The following PECR variants were observed in gnomAD, a reference collection of about 807,000 sequenced individuals.
PECR encodes peroxisomal trans-2-enoyl-CoA reductase.
PECR carries 30 observed loss-of-function variants against 35.3 expected under a neutral mutation model. The ratio of observed to expected loss-of-function variants is 0.85; its 90% CI spans 0.64 to 1.15. The LOEUF (loss-of-function observed/expected upper bound fraction) is 1.15. Ranked by LOEUF, PECR falls within the 50% of genes most tolerant of loss-of-function variation. PECR has a pLI of 0.00. For missense variants in PECR, 392 were observed against 370.8 expected (o/e 1.06, Z -0.47); for synonymous variants, 148 against 138.9 (o/e 1.07, Z -0.46).
chr2:216,069,851 G>C (rs1340740141), intron 1 of PECR, among the ~76,000 whole-genome samples: 1 of 151,232 alleles, frequency 6.6e-6, no homozygotes, highest in Non-Finnish European at 1.5e-5. Context: ...CAGGAAAATT[G>C]CTTGAACCCA....
At chr2:216,044,041 T>A in intron 6 of PECR, 26 bp from the exon 7 acceptor site, 1 of 1,243,698 alleles carries the variant, frequency 8.0e-7, no homozygotes, top group African/African-American at 1.5e-5. Flanking sequence ...CACATGTGCA[T>A]AGGTAAAAGC....
At chr2:216,045,307 C>T (rs752774871) in intron 6 of PECR, among the ~76,000 whole-genome samples, 10 of 152,310 alleles carry the variant, frequency 6.6e-5, no homozygotes, top group Middle Eastern at 6.8e-3. Flanking sequence ...TAGACATAGT[C>T]GCCTACTCAA....
chr2:216,067,944 C>G (rs939693574), intron 1 of PECR, among the ~76,000 whole-genome samples: 5 of 151,658 alleles, frequency 3.3e-5, no homozygotes. Flanking sequence ...AAAAACAGAC[C>G]CAGGCCGGAC....
At position 216,056,250 on chromosome 2, in the gene PECR, T is replaced by TA. The variant is rs575206438; in HGVS notation, c.506+2644dup. On this transcript the variant is annotated intron_variant, in intron 4 of 7. Coordinates refer to ENST00000265322, the MANE Select transcript of PECR (RefSeq NM_018441.6). ...TTTGTCTCTTAAGAGAGCTAAAATT[T>TA]AAAAAAAAGGAGTGCTCAATCTCTG... Among the ~76,000 whole-genome samples the TA allele has an allele frequency of 1.8e-4, 28 of 151,852 alleles. 1 individual carries two copies. The East Asian group carries it at 4.8e-3, about 26-fold the overall frequency.
chr2:216,060,565 A>C (rs1695318512), intron 3 of PECR, among the ~76,000 whole-genome samples: 1 of 152,152 alleles, frequency 6.6e-6, no homozygotes, highest in African/African-American at 2.4e-5. Flanking sequence ...GGTAGGCTGA[A>C]GCGGGGAGGA....
chr2:216,046,093 G>A (rs1215005501), intron 6 of PECR, among the ~76,000 whole-genome samples: 2 of 144,074 alleles, frequency 1.4e-5, no homozygotes, highest in South Asian at 2.2e-4. Context: ...CAGGAGAATC[G>A]CTTGAACCAA....
chr2:216,042,177 T>C (rs1351451350), intron 7 of PECR, among the ~76,000 whole-genome samples: 9 of 152,156 alleles, frequency 5.9e-5, no homozygotes, highest in Admixed American at 5.9e-4. Flanking sequence ...CTATCTCCAG[T>C]GTCAGAACTG....
intron 3 of PECR, among the ~76,000 whole-genome samples, chr2:216,060,243 C>T (rs1000433361): frequency 4.6e-5 from 7 of 152,186 alleles, no homozygotes; most frequent in African/African-American, 1.7e-4. Context: ...TCTACACACA[C>T]CTTCCGCTTC....
At chr2:216,037,201 T>C (rs990648390), downstream of PECR, among the ~76,000 whole-genome samples, 20 of 152,246 alleles carry the variant, frequency 1.3e-4, no homozygotes, top group African/African-American at 4.6e-4. Flanking sequence ...AGGATACTAT[T>C]ATGATGTACA....
chr2:216,046,062 C>T (rs1203216666), intron 6 of PECR, among the ~76,000 whole-genome samples: 1 of 148,934 alleles, frequency 6.7e-6, no homozygotes, highest in Non-Finnish European at 1.5e-5. Context: ...CTGTTAATCC[C>T]AGCTACTCAG....
At chr2:216,075,584 CTTTA>C (rs1292618102) in intron 1 of PECR, among the ~76,000 whole-genome samples, 3 of 152,002 alleles carry the variant, frequency 2.0e-5, no homozygotes, top group African/African-American at 7.3e-5. Context: ...TTTCAATAGA[CTTTA>C]TTTTTGTTTA....
intron 3 of PECR, among the ~76,000 whole-genome samples, chr2:216,062,806 T>C (rs1695381993): frequency 6.6e-6 from 1 of 152,228 alleles, no homozygotes; most frequent in Non-Finnish European, 1.5e-5. Context: ...AAGATTATAA[T>C]ACCACATTTT....
intron 7 of PECR, among the ~76,000 whole-genome samples, chr2:216,042,979 GTA>G (rs10623080): frequency 1.5e-5 from 2 of 130,494 alleles, no homozygotes; most frequent in Admixed American, 1.5e-4. Flanking sequence ...ACGTATATGT[GTA>G]TATATATATA....
chr2:216,031,416 G>A (rs971156013), intron 7 of PECR, among the ~76,000 whole-genome samples: 27 of 76,470 alleles, frequency 3.5e-4, no homozygotes, highest in African/African-American at 1.4e-3. Flanking sequence ...AAGGAAGAAA[G>A]GAAGAAAGAA....
intron 2 of PECR, among the ~76,000 whole-genome samples, chr2:216,065,696 C>T (rs1248861267): frequency 6.6e-6 from 1 of 152,182 alleles, no homozygotes; most frequent in East Asian, 1.9e-4. Context: ...AAAGCTAAAA[C>T]TGTAATTTTG....
chr2:216,049,028 AAACT>A (rs1477000290), intron 6 of PECR, among the ~76,000 whole-genome samples: 2 of 152,140 alleles, frequency 1.3e-5, no homozygotes, highest in Admixed American at 6.6e-5. Flanking sequence ...ACAGTAAAAC[AAACT>A]AACAAAAAAA....
rs1442351313 is a variant in PECR at position 216,049,374 on chromosome 2, C to T, written c.604-1G>A. On this transcript the variant is annotated splice_acceptor_variant, in intron 5 of 7. Coordinates refer to ENST00000265322, the MANE Select transcript of PECR (RefSeq NM_018441.6). LOFTEE classifies it high-confidence loss of function. ...CAGCAGTCTGGGAATAAATAACTCC[C>T]TGTGTTTAAAAATAAAACAGGGACA... 2 of 1,352,000 alleles carry T rather than the reference C, an allele frequency of 1.5e-6. No individual in the cohort carries two copies. Among genetic ancestry groups the T allele is most frequent in the East Asian group, 2.3e-5 (1 of 43,630 alleles). 83.8% of individuals were successfully genotyped at this position (1,352,000 alleles called of 1,614,324 possible). A position where few individuals can be genotyped will look rare whatever the true frequency, so the allele number is the denominator to read the frequency against.
intron 7 of PECR, among the ~76,000 whole-genome samples, chr2:216,031,676 AAAGAAAGAAAGAAAG>A (rs749722146): frequency 0.039 from 2,031 of 51,492 alleles, 29 homozygotes; most frequent in Middle Eastern, 0.068. Context: ...AGAAAGAAAG[AAAGAAAGAAAGAAAG>A]AGAAAGAAAG....
chr2:216,048,625 G>C (rs151286808), intron 6 of PECR, among the ~76,000 whole-genome samples: 2,824 of 151,904 alleles, frequency 0.019, 86 homozygotes, highest in African/African-American at 0.065. Context: ...CAGGAGAATT[G>C]CTTGAACCCA....
Sources: gnomAD v4.1 joint callset for allele counts (sites outside exome capture counted in the v4.1 genomes callset) on GRCh38, gnomAD v4.1.1 for gene constraint, MANE v1.5 for transcripts, NCBI Gene and HGNC (gene_info 2026-07-23, HGNC 2026-07-21) for gene names.